The following LRRC7 variants were observed in gnomAD, a reference collection of about 807,000 sequenced individuals.
LRRC7 encodes the protein leucine rich repeat containing 7, also known as leucine-rich repeat-containing protein 7.
LRRC7 carries 23 observed loss-of-function variants against 175.7 expected under a neutral mutation model. The observed-to-expected ratio is 0.13, with a 90% CI of 0.09 to 0.19. The LOEUF (loss-of-function observed/expected upper bound fraction) is 0.19. Among genes scored for constraint, LRRC7 ranks in the 10% least tolerant of loss-of-function variants. LRRC7 has a pLI of 1.00. For missense variants in LRRC7, 1,354 were observed against 1,904.7 expected (o/e 0.71, Z 5.38); for synonymous variants, 685 against 680.9 (o/e 1.01, Z -0.09).
intron 1 of LRRC7, among the ~76,000 whole-genome samples, chr1:69,576,980 A>G (rs1645977762): frequency 1.3e-5 from 2 of 152,176 alleles, no homozygotes; most frequent in Non-Finnish European, 2.9e-5. Flanking sequence ...GGTTATTTAC[A>G]CACGTAATAT....
At chr1:69,812,176 T>C (rs1021594023) in intron 4 of LRRC7, among the ~76,000 whole-genome samples, 1 of 152,136 alleles carries the variant, frequency 6.6e-6, no homozygotes, top group Non-Finnish European at 1.5e-5. Flanking sequence ...TTGTTTGTAT[T>C]TGACCTGAAG....
intron 7 of LRRC7, among the ~76,000 whole-genome samples, chr1:69,894,704 G>C (rs1254426574): frequency 6.6e-6 from 1 of 152,116 alleles, no homozygotes; most frequent in African/African-American, 2.4e-5. Flanking sequence ...AAACATGGAT[G>C]GACCTGGAAG....
At chr1:69,729,373 C>T (rs920980478) in intron 2 of LRRC7, among the ~76,000 whole-genome samples, 9 of 152,112 alleles carry the variant, frequency 5.9e-5, no homozygotes, top group African/African-American at 2.2e-4. Context: ...TCCCTTATAT[C>T]TGTGAGCCTG....
At chr1:69,800,194 CT>C (rs1388636031) in intron 4 of LRRC7, among the ~76,000 whole-genome samples, 6 of 151,904 alleles carry the variant, frequency 3.9e-5, no homozygotes, top group African/African-American at 1.4e-4. Context: ...CAGCTTTGTT[CT>C]TTCTGCTCAG....
In LRRC7 at chr1:69,834,826, C is replaced by T. The variant is rs773336597; in HGVS notation, c.547C>T (p.Leu183=). 3.0e-5 allele frequency: 48 copies of T among 1,613,156 alleles called. No homozygotes were observed. The Admixed American group carries it at 6.5e-4, about 22-fold the overall frequency. The change falls in exon 6 of 27, where the codon CTG becomes TTG. Residue 183 remains leucine (L), a synonymous_variant. Coordinates refer to ENST00000651989, the MANE Select transcript of LRRC7 (RefSeq NM_001370785.2). ...TQLLNLTQLY[L]NDAFLEFLPA... ...GCTCCTAAACCTGACCCAGCTCTAC[C>T]TGAATGACGCCTTTCTTGAATTTCT...
At chr1:69,721,829 A>G (rs1017357532) in intron 2 of LRRC7, among the ~76,000 whole-genome samples, 5 of 151,924 alleles carry the variant, frequency 3.3e-5, no homozygotes, top group African/African-American at 1.2e-4. Context: ...TAAGAAAATT[A>G]TTATTTTTAA....
At chr1:69,761,740 G>A (rs1216494149) in intron 3 of LRRC7, among the ~76,000 whole-genome samples, 1 of 151,974 alleles carries the variant, frequency 6.6e-6, no homozygotes. Context: ...GGCAAAGATG[G>A]CACCGTATTC....
At chr1:69,782,887 A>G (rs1457097529) in intron 3 of LRRC7, among the ~76,000 whole-genome samples, 1 of 152,180 alleles carries the variant, frequency 6.6e-6, no homozygotes, top group African/African-American at 2.4e-5. Context: ...GTGTGTGTGG[A>G]TGCATGCACA....
At chr1:69,778,713 G>C (rs1405778138) in intron 3 of LRRC7, among the ~76,000 whole-genome samples, 1 of 152,082 alleles carries the variant, frequency 6.6e-6, no homozygotes, top group Admixed American at 6.6e-5. Flanking sequence ...TGATTCCAAA[G>C]TTTATAATCT....
chr1:69,691,487 A>G (rs1199643242), intron 2 of LRRC7, among the ~76,000 whole-genome samples: 1 of 152,096 alleles, frequency 6.6e-6, no homozygotes, highest in East Asian at 1.9e-4. Flanking sequence ...AAAAAAATAA[A>G]AAGGAATGAA....
chr1:69,914,205 G>A (rs1351816738), intron 7 of LRRC7, among the ~76,000 whole-genome samples: 2 of 152,164 alleles, frequency 1.3e-5, no homozygotes, highest in African/African-American at 4.8e-5. Flanking sequence ...AGAATCCTGA[G>A]TCAGCAAATC....
intron 3 of LRRC7, among the ~76,000 whole-genome samples, chr1:69,790,759 G>C (rs989807015): frequency 6.6e-6 from 1 of 152,034 alleles, no homozygotes; most frequent in Non-Finnish European, 1.5e-5. Flanking sequence ...ATCCATCAAA[G>C]TATGCATCTG....
intron 7 of LRRC7, among the ~76,000 whole-genome samples, chr1:69,880,737 AGT>A (rs912326326): frequency 6.6e-6 from 1 of 151,980 alleles, no homozygotes; most frequent in African/African-American, 2.4e-5. Flanking sequence ...CTTTCATCAG[AGT>A]GTAGCTTATT....
chr1:69,822,714 G>T (rs1189645217), intron 4 of LRRC7, among the ~76,000 whole-genome samples: 2 of 152,168 alleles, frequency 1.3e-5, no homozygotes, highest in Non-Finnish European at 2.9e-5. Context: ...AGCTGTGCTA[G>T]CTTGAGGGTG....
At chr1:69,687,227 G>A (rs1661258674) in intron 2 of LRRC7, among the ~76,000 whole-genome samples, 1 of 152,026 alleles carries the variant, frequency 6.6e-6, no homozygotes, top group African/African-American at 2.4e-5. Flanking sequence ...TATTATTTTA[G>A]GACAGGCACG....
At chr1:69,830,173 T>C (rs987228199) in intron 5 of LRRC7, among the ~76,000 whole-genome samples, 1 of 151,824 alleles carries the variant, frequency 6.6e-6, no homozygotes, top group South Asian at 2.1e-4. Flanking sequence ...GTATTTTTAT[T>C]TGCTGTAGGA....
chr1:69,611,316 G>A (rs537974721), intron 1 of LRRC7, among the ~76,000 whole-genome samples: 1 of 150,948 alleles, frequency 6.6e-6, no homozygotes, highest in Non-Finnish European at 1.5e-5. Context: ...ACCTTATTTT[G>A]GTTTTATATA....
chr1:69,996,425 G>A (rs1654976258), intron 11 of LRRC7, among the ~76,000 whole-genome samples: 1 of 151,978 alleles, frequency 6.6e-6, no homozygotes. Flanking sequence ...TGTCAATTTT[G>A]TCTTTTGTTG....
At chr1:69,983,004 CAAGGAGAAAATAAATTT>C (rs1210751106) in intron 9 of LRRC7, among the ~76,000 whole-genome samples, 2 of 152,020 alleles carry the variant, frequency 1.3e-5, no homozygotes, top group Admixed American at 6.6e-5. Flanking sequence ...CTGGAAGCTT[CAAGGAGAAAATAAATTT>C]TCTCATGATA....
Sources: gnomAD v4.1 joint callset for allele counts (sites outside exome capture counted in the v4.1 genomes callset) on GRCh38, gnomAD v4.1.1 for gene constraint, MANE v1.5 for transcripts, NCBI Gene and HGNC (gene_info 2026-07-23, HGNC 2026-07-21) for gene names.